Variants in CEP192 observed in about 807,000 individuals in gnomAD.
The protein encoded by CEP192 is centrosomal protein 192, also known as centrosomal protein of 192 kDa.
A neutral mutation model predicts 271.8 loss-of-function variants in CEP192; 151 were observed. The ratio of observed to expected loss-of-function variants is 0.56; its 90% confidence interval spans 0.49 to 0.64. The LOEUF (loss-of-function observed/expected upper bound fraction) is 0.64. Ranked by LOEUF, CEP192 falls within the 30% of genes least tolerant of loss-of-function variation. CEP192 has a pLI of 0.00. For synonymous variants in CEP192, 995 were observed against 1,076.5 expected, an observed-to-expected ratio of 0.92 and a Z score of 1.48; for missense variants, 2,910 against 3,020.5, an observed-to-expected ratio of 0.96 and a Z score of 0.86.
intron 11 of CEP192, 28 bp from the exon 12 acceptor site, chr18:13,037,209 T>A (rs1598422947): frequency 1.1e-6 from 1 of 928,122 alleles, no homozygotes. Context: ...ATTAGTGTAA[T>A]GTATTTATAT....
rs771065210 is a variant in CEP192 at position 13,114,147 on chromosome 18, T to C, written c.7185T>C (p.Asn2395=). The change falls in exon 42 of 45, where the codon AAT becomes AAC. Residue 2395 remains asparagine, a synonymous_variant. Transcript: ENST00000506447. The part of the protein sequence containing the change: ...QLSGQSIEAE[N]EPENACLSTD... ...CTGTATAGAGCATCGAAGCAGAAAA[T>C]GAGCCTGAAAACGCATGCCTTTCCA... 4 of 1,613,604 alleles carry C rather than the reference T, an allele frequency of 2.5e-6. No individual in the cohort carries two copies. The African/African-American group carries it at 4.0e-5, about 16-fold the overall frequency.
chr18:13,099,569 C>A lies in CEP192; in HGVS notation c.6651C>A (p.Asp2217Glu). The A allele has an allele frequency of 1.3e-6, 2 of 1,539,554 alleles. No homozygotes were observed. The highest frequency in any genetic ancestry group is 1.8e-6 in the Non-Finnish European group (2 of 1,139,498). The change falls in exon 37 of 45, where the codon GAC (aspartate) becomes GAA (glutamate). Residue 2217 changes from aspartate (D) to glutamate (E), a missense_variant. Asp to Glu is a conservative substitution (Grantham distance 45). Transcript: ENST00000506447. ...GTGGTTTGATCTATATACACTGTGA[C>A]GATGGACAGAAGGTACTTTTAAAAG... Reference protein sequence around the residue: ...PWSGLIYIHCDDGQKKIVKVQ... With the variant: ...PWSGLIYIHCEDGQKKIVKVQ...
rs530211518 is a variant in CEP192 at position 13,114,111 on chromosome 18, C to T, written c.7168-19C>T. The T allele has an allele frequency of 3.1e-5, 49 of 1,603,076 alleles. No individual in the cohort carries two copies. In the East Asian group the frequency reaches 1.1e-3, roughly 34 times the overall value. ...TAGTTTTTATTTCTTCTCCGTTACC[C>T]TGTGATTTTTCTGTATAGAGCATCG... On this transcript the variant is annotated intron_variant, in intron 41 of 44. Coordinates refer to ENST00000506447, the MANE Select transcript of CEP192 (RefSeq NM_032142.4).
intron 21 of CEP192, among the ~76,000 whole-genome samples, chr18:13,066,640 G>T (rs1204593331): frequency 6.6e-6 from 1 of 152,118 alleles, no homozygotes; most frequent in Non-Finnish European, 1.5e-5. Context: ...TCATGTTCTT[G>T]CAAATAATCT....
chr18:13,067,338 G>C (rs1042818408), intron 21 of CEP192, among the ~76,000 whole-genome samples: 6 of 152,162 alleles, frequency 3.9e-5, no homozygotes, highest in African/African-American at 1.4e-4. Flanking sequence ...ACATGTGGGT[G>C]TGTGAGGGGT....
intron 42 of CEP192, 37 bp downstream of exon 42, chr18:13,114,288 A>G: frequency 1.2e-6 from 2 of 1,605,124 alleles, no homozygotes; most frequent in Non-Finnish European, 1.7e-6. Context: ...GTTTTTTCCC[A>G]GTACTTTATT....
At chr18:13,073,900 A>G (rs2038139637) in intron 30 of CEP192, among the ~76,000 whole-genome samples, 1 of 152,198 alleles carries the variant, frequency 6.6e-6, no homozygotes, top group Admixed American at 6.5e-5. Context: ...CCAAATACCC[A>G]TTGACTGAAT....
In CEP192 at chr18:13,092,407, T is replaced by G; in HGVS notation, c.6134T>G (p.Val2045Gly). ...GATCTTCCCCAACGACCTAATGATGTTCAGCTCTTTTATGGAAGCATGTGT... is the reference window on the plus strand; with the variant it reads ...GATCTTCCCCAACGACCTAATGATGGTCAGCTCTTTTATGGAAGCATGTGT... ...VYDLPQRPND[V>G]QLFYGSMCKI... Residue 2045 changes from valine (V) to glycine (G), a missense_variant, in exon 34 of 45, where the codon GTT becomes GGT. Physicochemically the swap from Val to Gly is moderately radical, Grantham distance 109. Coordinates refer to ENST00000506447, the MANE Select transcript of CEP192 (RefSeq NM_032142.4). The G allele has an allele frequency of 6.2e-7, 1 of 1,602,922 alleles. No homozygotes were observed. The highest frequency in any genetic ancestry group is 8.5e-7 in the Non-Finnish European group (1 of 1,172,476).
Position 13,013,037 on chromosome 18 carries a change from T to TTTGGTATCAAATAAACCTG in CEP192, c.519+12_519+13insTTGGTATCAAATAAACCTG. On this transcript the variant is annotated intron_variant, in intron 5 of 44. Coordinates refer to ENST00000506447, the MANE Select transcript of CEP192 (RefSeq NM_032142.4). ...ATAAGGAACCCAAGGTAACCTTTTA[T>TTTGGTATCAAATAAACCTG]ATATTTGGTATCATTTTCTGGAGTA... 2 of 1,346,244 alleles carry TTTGGTATCAAATAAACCTG rather than the reference T, an allele frequency of 1.5e-6. No individual in the cohort carries two copies. Among genetic ancestry groups the TTTGGTATCAAATAAACCTG allele is most frequent in the Non-Finnish European group, 2.1e-6 (2 of 965,272 alleles). The allele number at this position is 1,346,244 out of a possible 1,614,324, so 83.4% of individuals were successfully genotyped here.
chr18:13,078,521 A>G (rs907088339), intron 30 of CEP192, among the ~76,000 whole-genome samples: 2 of 152,136 alleles, frequency 1.3e-5, no homozygotes, highest in Non-Finnish European at 2.9e-5. Context: ...GTCTTCCACA[A>G]TGGTTGAACT....
At chr18:13,070,626 A>G (rs914909844) in intron 27 of CEP192, among the ~76,000 whole-genome samples, 1 of 152,214 alleles carries the variant, frequency 6.6e-6, no homozygotes, top group Non-Finnish European at 1.5e-5. Context: ...TCTGAGACAC[A>G]CATGGCTTAT....
At chr18:12,991,682 G>C (rs1041059159) in intron 1 of CEP192, among the ~76,000 whole-genome samples, 1 of 152,244 alleles carries the variant, frequency 6.6e-6, no homozygotes, top group South Asian at 2.1e-4. Flanking sequence ...CTGTGTCATC[G>C]GGCTTTGGCC....
At chr18:13,055,419 C>A (rs573999551) in intron 18 of CEP192, among the ~76,000 whole-genome samples, 20 of 152,286 alleles carry the variant, frequency 1.3e-4, no homozygotes, top group African/African-American at 4.6e-4. Flanking sequence ...TTGCTCAGCC[C>A]CCACTCCTTC....
intron 3 of CEP192, among the ~76,000 whole-genome samples, chr18:13,008,244 G>A (rs1017855579): frequency 1.4e-5 from 1 of 69,502 alleles, no homozygotes; most frequent in Non-Finnish European, 2.4e-5. Flanking sequence ...GATTTTGGTA[G>A]ACTGTATCAC....
intron 5 of CEP192, among the ~76,000 whole-genome samples, chr18:13,013,343 G>A (rs1180463332): frequency 6.6e-6 from 1 of 152,250 alleles, no homozygotes; most frequent in East Asian, 1.9e-4. Flanking sequence ...GTGTGTGTGT[G>A]TATGTGTTTC....
chr18:13,105,830 C>T (rs1177537990), intron 40 of CEP192, among the ~76,000 whole-genome samples: 1 of 152,164 alleles, frequency 6.6e-6, no homozygotes, highest in African/African-American at 2.4e-5. Context: ...GGGATAAGCA[C>T]ATTGCTCAAA....
chr18:13,067,802 A>G lies in CEP192; in HGVS notation c.4489-29A>G, dbSNP rs115393780. On this transcript the variant is annotated intron_variant, in intron 21 of 44. Transcript: ENST00000506447. Reference sequence around the variant, plus strand: ...TTGTGCTATTAATATATTGCTTTTCATAAATCATTCCCTTTTTTTGATAAT... The same window carrying G: ...TTGTGCTATTAATATATTGCTTTTCGTAAATCATTCCCTTTTTTTGATAAT... The G allele has an allele frequency of 7.9e-4, 1,257 of 1,581,556 alleles. 6 individuals are homozygous for G. In the African/African-American group the frequency reaches 9.9e-3, roughly 12 times the overall value.
intron 9 of CEP192, among the ~76,000 whole-genome samples, chr18:13,022,607 C>A (rs1019591087): frequency 6.6e-6 from 1 of 152,242 alleles, no homozygotes; most frequent in East Asian, 1.9e-4. Context: ...TCTCAAACTT[C>A]TGATTTCAAA....
At chr18:13,076,060 C>G (rs2038257239) in intron 30 of CEP192, among the ~76,000 whole-genome samples, 1 of 152,166 alleles carries the variant, frequency 6.6e-6, no homozygotes. Flanking sequence ...CTGGCACCAA[C>G]TGGGTAGAAG....
Sources: allele counts gnomAD v4.1 joint callset (sites outside exome capture counted in the v4.1 genomes callset), GRCh38; gene constraint gnomAD v4.1.1; transcripts MANE v1.5; gene names NCBI Gene and HGNC (gene_info 2026-07-23, HGNC 2026-07-21).